ACYP2: variants seen among roughly 807,000 people sequenced by gnomAD.
The protein encoded by ACYP2 is acylphosphatase-2.
Under a neutral mutation model 11.2 loss-of-function variants are expected in ACYP2, and 12 were observed. The observed-to-expected ratio is 1.08, with a 90% CI of 0.69 to 1.74. The LOEUF is 1.74. Ranked by LOEUF, ACYP2 falls within the 40% of genes most tolerant of loss-of-function variation. The pLI is 0.00. For synonymous variants in ACYP2, 43 were observed against 32.2 expected, an observed-to-expected ratio of 1.33 and a Z score of -1.13; for missense variants, 134 against 101.9, an observed-to-expected ratio of 1.31 and a Z score of -1.35.
At chr2:54,145,657 A>G (rs546988060) in intron 6 of ACYP2, among the ~76,000 whole-genome samples, 1 of 152,214 alleles carries the variant, frequency 6.6e-6, no homozygotes, top group Admixed American at 6.5e-5. Context: ...AATTTCCGGC[A>G]TTATATTATT....
chr2:54,015,107 C>T (rs1416761258), intron 2 of ACYP2, among the ~76,000 whole-genome samples: 3 of 152,256 alleles, frequency 2.0e-5, no homozygotes, highest in South Asian at 2.1e-4. Context: ...TAGCTCATGC[C>T]TGTAATCCCA....
intron 6 of ACYP2, among the ~76,000 whole-genome samples, chr2:54,218,192 T>A (rs1685636230): frequency 6.6e-6 from 1 of 152,214 alleles, no homozygotes; most frequent in Non-Finnish European, 1.5e-5. Flanking sequence ...AGAATTAATT[T>A]GTGTCTTTTT....
intron 6 of ACYP2, among the ~76,000 whole-genome samples, chr2:54,209,619 A>G (rs1279837155): frequency 6.6e-6 from 1 of 152,192 alleles, no homozygotes; most frequent in Non-Finnish European, 1.5e-5. Flanking sequence ...CAGTTGTAAC[A>G]GGTGTTGGCA....
chr2:54,273,137 T>C (rs1261597289), intron 6 of ACYP2, among the ~76,000 whole-genome samples: 1 of 152,220 alleles, frequency 6.6e-6, no homozygotes, highest in African/African-American at 2.4e-5. Context: ...ATGAGAAAAC[T>C]GACTGTTCAA....
At chr2:54,181,079 C>A (rs1683699784) in intron 6 of ACYP2, among the ~76,000 whole-genome samples, 1 of 152,168 alleles carries the variant, frequency 6.6e-6, no homozygotes, top group Non-Finnish European at 1.5e-5. Context: ...TGTGTTCATT[C>A]ATTGTATTCA....
chr2:54,124,447 C>T (rs540900775), intron 4 of ACYP2, among the ~76,000 whole-genome samples: 162 of 152,234 alleles, frequency 1.1e-3, no homozygotes, highest in African/African-American at 3.7e-3. Context: ...CCACCCTCCT[C>T]GGCCTCCCAA....
intron 6 of ACYP2, among the ~76,000 whole-genome samples, chr2:54,277,366 T>C (rs1688642941): frequency 6.6e-6 from 1 of 152,158 alleles, no homozygotes; most frequent in African/African-American, 2.4e-5. Flanking sequence ...ACACAAATCC[T>C]TTAATATGCC....
chr2:54,145,373 G>T (rs996206245), intron 6 of ACYP2, among the ~76,000 whole-genome samples: 1 of 152,182 alleles, frequency 6.6e-6, no homozygotes, highest in Non-Finnish European at 1.5e-5. Context: ...TGAAGGAACT[G>T]ATTTTTCCCA....
At chr2:54,014,423 A>G (rs1673566557) in intron 2 of ACYP2, among the ~76,000 whole-genome samples, 1 of 151,946 alleles carries the variant, frequency 6.6e-6, no homozygotes. Flanking sequence ...CATTTCAGGC[A>G]ATTCTCCTGC....
intron 6 of ACYP2, among the ~76,000 whole-genome samples, chr2:54,148,274 G>T (rs571497819): frequency 1.3e-3 from 191 of 152,164 alleles, no homozygotes; most frequent in African/African-American, 4.4e-3. Context: ...CTCTTGGCCA[G>T]GAAGAAGGGG....
chr2:54,141,012 G>A (rs969055144), intron 6 of ACYP2, among the ~76,000 whole-genome samples: 1 of 152,316 alleles, frequency 6.6e-6, no homozygotes, highest in South Asian at 2.1e-4. Flanking sequence ...TTGGTTGTGA[G>A]TGATTATTAT....
At chr2:54,258,903 A>G (rs1307639108) in intron 6 of ACYP2, among the ~76,000 whole-genome samples, 1 of 152,238 alleles carries the variant, frequency 6.6e-6, no homozygotes, top group Non-Finnish European at 1.5e-5. Flanking sequence ...ATGACAAAAA[A>G]GCAGAAGAGC....
intron 2 of ACYP2, among the ~76,000 whole-genome samples, chr2:54,030,041 G>A (rs113341111): frequency 6.6e-6 from 1 of 152,166 alleles, no homozygotes; most frequent in African/African-American, 2.4e-5. Context: ...TGCTTATGTA[G>A]GTTGAGGTTA....
At chr2:54,203,084 T>A (rs1258044708) in intron 6 of ACYP2, among the ~76,000 whole-genome samples, 1 of 152,164 alleles carries the variant, frequency 6.6e-6, no homozygotes, top group East Asian at 1.9e-4. Context: ...CAGTATTAAG[T>A]CTTCCACTTC....
chr2:54,117,753 TC>T (rs1208373220), intron 4 of ACYP2, among the ~76,000 whole-genome samples: 1 of 152,176 alleles, frequency 6.6e-6, no homozygotes. Flanking sequence ...TGTAAAGAGA[TC>T]TTTTTTTAAT....
chr2:54,252,882 C>T (rs971083963), intron 6 of ACYP2, among the ~76,000 whole-genome samples: 6 of 149,838 alleles, frequency 4.0e-5, no homozygotes, highest in African/African-American at 9.9e-5. Flanking sequence ...CCAGCCTGGG[C>T]GACTGAGCGA....
At position 54,304,693 on chromosome 2, in the gene ACYP2, C is replaced by T; in HGVS notation, c.410C>T (p.Ser137Phe). The T allele has an allele frequency of 6.2e-7, 1 of 1,605,826 alleles. No homozygotes were observed. The highest frequency in any genetic ancestry group is 8.5e-7 in the Non-Finnish European group (1 of 1,176,332). The stretch of plus-strand genomic sequence containing the variant: ...ATTTATCTGTTTTTTTATAGGAAGT[C>T]CTGGCTGAGCAAGGTTGGAAGCCCT... The change falls in exon 7 of 7, where the codon TCC (serine) becomes TTC (phenylalanine). Residue 137 changes from serine (S) to phenylalanine (F), a missense_variant. By Grantham distance (155) the Ser-to-Phe change is radical. Coordinates refer to ENST00000607452, the MANE Select transcript of ACYP2 (RefSeq NM_001320586.2).
chr2:54,031,882 A>G (rs1674604308), intron 2 of ACYP2, among the ~76,000 whole-genome samples: 2 of 152,156 alleles, frequency 1.3e-5, no homozygotes, highest in South Asian at 4.1e-4. Flanking sequence ...GCCAGTGACG[A>G]TGAGCATTTT....
At chr2:54,182,347 T>TTTGTTG (rs1012550960) in intron 6 of ACYP2, among the ~76,000 whole-genome samples, 1 of 151,122 alleles carries the variant, frequency 6.6e-6, no homozygotes, top group South Asian at 2.1e-4. Context: ...GAAGATAAAT[T>TTTGTTG]TTGTTGTTGT....
Sources: gnomAD v4.1 joint callset for allele counts (sites outside exome capture counted in the v4.1 genomes callset) on GRCh38, gnomAD v4.1.1 for gene constraint, MANE v1.5 for transcripts, NCBI Gene and HGNC (gene_info 2026-07-23, HGNC 2026-07-21) for gene names.